The following CCND1 variants were observed in gnomAD, a reference collection of about 807,000 sequenced individuals.
CCND1 encodes the protein G1/S-specific cyclin-D1.
Under a neutral mutation model 26.1 loss-of-function variants are expected in CCND1, and 9 were observed. That is an observed-to-expected ratio of 0.35 (90% CI 0.21 to 0.60). The LOEUF (loss-of-function observed/expected upper bound fraction) is 0.60, where lower values mean the gene tolerates loss of function less well. Ranked by LOEUF, CCND1 falls within the 20% of genes least tolerant of loss-of-function variation. The probability of loss-of-function intolerance (pLI) is 0.79; values close to 1 mark genes in which losing one functional copy is unlikely to be tolerated. For synonymous variants in CCND1, 194 were observed against 166.1 expected (o/e 1.17, Z -1.29); for missense variants, 335 against 392.9 (o/e 0.85, Z 1.25).
In CCND1 at chr11:69,653,353, C is replaced by CAT. The variant is rs1855879746; in HGVS notation, c.*2075_*2076dup. On this transcript the variant is annotated 3_prime_UTR_variant, in exon 5 of 5. Coordinates refer to ENST00000227507, the MANE Select transcript of CCND1 (RefSeq NM_053056.3). ...GGATCAGTTTTTTGTTTTACAATGT[C>CAT]ATATACTGCCATGTACTAGTTTTAG... The CAT allele has an allele frequency of 1.4e-6, 1 of 701,546 alleles. No individual in the cohort carries two copies. The highest frequency in any genetic ancestry group is 2.6e-6 in the Non-Finnish European group (1 of 384,714). 43.5% of individuals were successfully genotyped at this position (701,546 alleles called of 1,614,324 possible). A position where few individuals can be genotyped will look rare whatever the true frequency, so the allele number is the denominator to read the frequency against.
In CCND1 at chr11:69,644,001, G is replaced by T. The variant is rs750369077; in HGVS notation, c.574+10G>T. ...GCCCTCTGTGCCACAGGTAGGGCAG[G>T]CCCGGCAGCCCCCGGCCTCCCCTTG... is the stretch of plus-strand genomic sequence containing the variant. On this transcript the variant is annotated intron_variant, in intron 3 of 4. Coordinates refer to ENST00000227507, the MANE Select transcript of CCND1 (RefSeq NM_053056.3). 6 of 1,612,834 alleles carry T rather than the reference G, an allele frequency of 3.7e-6. No individual in the cohort carries two copies. Among genetic ancestry groups the T allele is most frequent in the Non-Finnish European group, 5.1e-6 (6 of 1,179,882 alleles).
chr11:69,642,917 C>A, intron 1 of CCND1, 114 bp from the exon 2 acceptor site: 1 of 607,550 alleles, frequency 1.6e-6, no homozygotes, highest in Non-Finnish European at 2.5e-6. Context: ...CCAGCCCCGA[C>A]CCCTCGGCGC....
chr11:69,642,950 C>A, intron 1 of CCND1, 81 bp from the exon 2 acceptor site: 1 of 1,112,324 alleles, frequency 9.0e-7, no homozygotes, highest in Non-Finnish European at 1.2e-6. Context: ...GCGGCCCTGC[C>A]AAGCGCGATG....
chr11:69,645,555 C>A lies in CCND1; in HGVS notation c.574+1564C>A, dbSNP rs146303812. ...GTGGAGTCCACTCCAGGGTGGGTCC[C>A]GAGGGAGGGGCAGGAGACCAGGGGA... On this transcript the variant is annotated intron_variant, in intron 3 of 4. Coordinates refer to ENST00000227507, the MANE Select transcript of CCND1 (RefSeq NM_053056.3). Among the ~76,000 whole-genome samples, 407 of 152,214 alleles carry A rather than the reference C, an allele frequency of 2.7e-3. 2 individuals are homozygous for A. Among genetic ancestry groups the A allele is most frequent in the African/African-American group, 9.4e-3 (389 of 41,532 alleles).
In CCND1 at chr11:69,653,570, G is replaced by A. The variant is rs999303995; in HGVS notation, c.*2288G>A. The A allele has an allele frequency of 1.3e-5, 7 of 536,712 alleles. No individual in the cohort carries two copies. Among genetic ancestry groups the A allele is most frequent in the African/African-American group, 5.9e-5 (3 of 50,796 alleles). The allele number at this position is 536,712 out of a possible 1,614,324, so 33.2% of individuals were successfully genotyped here. On this transcript the variant is annotated 3_prime_UTR_variant, in exon 5 of 5. Transcript: ENST00000227507. ...TGCTTTGGCGGGCAGACACGCGGGC[G>A]CGATCCCACACAGGCTGGCGGGGGC...
chr11:69,652,304 A>T lies in CCND1; in HGVS notation c.*1022A>T, dbSNP rs1026710744. Reference sequence around the variant, plus strand: ...AACCATTCCATTTCCAAGCACTTTCAGTCCAATAGGTGTAGGAAATAGCGC... The same window carrying T: ...AACCATTCCATTTCCAAGCACTTTCTGTCCAATAGGTGTAGGAAATAGCGC... On this transcript the variant is annotated 3_prime_UTR_variant, in exon 5 of 5. Transcript: ENST00000227507. 8.6e-6 allele frequency: 2 copies of T among 233,608 alleles called. No homozygotes were observed. Among genetic ancestry groups the T allele is most frequent in the Middle Eastern group, 1.3e-3 (1 of 786 alleles). 14.5% of individuals were successfully genotyped at this position (233,608 alleles called of 1,614,324 possible).
rs2120079442 is a variant in CCND1, at chr11:69,641,302, A to G, written c.-12A>G. ...CACAGCCCTCCCCAGCTGCCCAGGA[A>G]GAGCCCCAGCCATGGAACACCAGCT... On this transcript the variant is annotated 5_prime_UTR_variant, in exon 1 of 5. Transcript: ENST00000227507. The G allele has an allele frequency of 6.2e-7, 1 of 1,609,158 alleles. No homozygotes were observed.
chr11:69,649,550 T>A (rs910631183), intron 4 of CCND1, among the ~76,000 whole-genome samples: 1 of 152,156 alleles, frequency 6.6e-6, no homozygotes, highest in African/African-American at 2.4e-5. Flanking sequence ...GTTCTAGAAT[T>A]TTCTTTGGTG....
At chr11:69,643,779 G>GCCCCC in intron 2 of CCND1, 53 bp from the exon 3 acceptor site, 1 of 1,550,748 alleles carries the variant, frequency 6.4e-7, no homozygotes, top group African/African-American at 1.4e-5. Context: ...GCTTCCCCGC[G>GCCCCC]CCCCCGGGCT....
At chr11:69,643,553 C>T (rs1291211956) in intron 2 of CCND1, among the ~76,000 whole-genome samples, 1 of 152,254 alleles carries the variant, frequency 6.6e-6, no homozygotes, top group Non-Finnish European at 1.5e-5. Context: ...GCTGAGCCTC[C>T]AGTTCCAGGT....
Position 69,653,018 on chromosome 11 carries a change from C to A in CCND1, c.*1736C>A. On this transcript the variant is annotated 3_prime_UTR_variant, in exon 5 of 5. Coordinates refer to ENST00000227507, the MANE Select transcript of CCND1 (RefSeq NM_053056.3). ...AGTTCGGTTCCGATGAATTCTTATC[C>A]CCTGCCCCTTCCTTTAAAAAACTTA... The A allele has an allele frequency of 2.1e-6, 1 of 472,994 alleles. No homozygotes were observed. Among genetic ancestry groups the A allele is most frequent in the South Asian group, 3.4e-5 (1 of 29,398 alleles). 29.3% of individuals were successfully genotyped at this position (472,994 alleles called of 1,614,324 possible).
chr11:69,642,120 G>C (rs1437604873), intron 1 of CCND1, among the ~76,000 whole-genome samples: 1 of 151,922 alleles, frequency 6.6e-6, no homozygotes, highest in Non-Finnish European at 1.5e-5. Context: ...GGCATGGGTA[G>C]TTTTGGGGGG....
At chr11:69,644,269 C>G in intron 3 of CCND1, 1 of 484,270 alleles carries the variant, frequency 2.1e-6, no homozygotes, top group Non-Finnish European at 3.8e-6. Context: ...TGGCCTCGTC[C>G]TTCAGGCCAG....
At position 69,653,565 on chromosome 11, in the gene CCND1, C is replaced by T. The variant is rs960291962; in HGVS notation, c.*2283C>T. On this transcript the variant is annotated 3_prime_UTR_variant, in exon 5 of 5. Coordinates refer to ENST00000227507, the MANE Select transcript of CCND1 (RefSeq NM_053056.3). The stretch of plus-strand genomic sequence containing the variant: ...CTGCCTGCTTTGGCGGGCAGACACG[C>T]GGGCGCGATCCCACACAGGCTGGCG... The T allele has an allele frequency of 1.1e-5, 6 of 536,298 alleles. No homozygotes were observed. Among genetic ancestry groups the T allele is most frequent in the Admixed American group, 3.7e-5 (1 of 26,854 alleles). 33.2% of individuals were successfully genotyped at this position (536,298 alleles called of 1,614,324 possible).
intron 4 of CCND1, 149 bp downstream of exon 4, chr11:69,648,291 T>C: frequency 1.3e-6 from 1 of 785,928 alleles, no homozygotes; most frequent in Admixed American, 2.8e-5. Context: ...GGCCACAGAC[T>C]GACAGGGCAC....
In CCND1 at chr11:69,641,246, G is replaced by C; in HGVS notation, c.-68G>C. 1 of 1,463,886 alleles carries C rather than the reference G, an allele frequency of 6.8e-7. No homozygotes were observed. The highest frequency in any genetic ancestry group is 1.4e-5 in the African/African-American group (1 of 72,334). The allele number at this position is 1,463,886 out of a possible 1,614,324, so 90.7% of individuals were successfully genotyped here. The stretch of plus-strand genomic sequence containing the variant: ...CGCGAGGGAGCGCGGGGCAGCAGAA[G>C]CGAGAGCCGAGCGCGGACCCAGCCA... On this transcript the variant is annotated 5_prime_UTR_variant, in exon 1 of 5. Coordinates refer to ENST00000227507, the MANE Select transcript of CCND1 (RefSeq NM_053056.3).
chr11:69,641,831 C>T (rs1029535137), intron 1 of CCND1, among the ~76,000 whole-genome samples: 73 of 152,112 alleles, frequency 4.8e-4, no homozygotes, highest in African/African-American at 1.7e-3. Flanking sequence ...CGCTTTGTGT[C>T]CCCCGCCTGC....
rs1416731727 is a variant in CCND1, at chr11:69,654,054, C to T, written c.*2772C>T. 1.5e-5 allele frequency: 9 copies of T among 604,838 alleles called. No individual in the cohort carries two copies. The highest frequency in any genetic ancestry group is 2.7e-5 in the Non-Finnish European group (9 of 338,822). 37.5% of individuals were successfully genotyped at this position (604,838 alleles called of 1,614,324 possible). Reference sequence around the variant, plus strand: ...AAGAATTTGCACCCCGCTGCGGGCCCACGTGGTTGGGGCCCTGCCCTGGCA... The same window carrying T: ...AAGAATTTGCACCCCGCTGCGGGCCTACGTGGTTGGGGCCCTGCCCTGGCA... On this transcript the variant is annotated 3_prime_UTR_variant, in exon 5 of 5. Coordinates refer to ENST00000227507, the MANE Select transcript of CCND1 (RefSeq NM_053056.3). The surrounding 1 kb of genome is among the most constrained non-coding windows in gnomAD (Gnocchi z 6.3).
At chr11:69,644,255 A>C in intron 3 of CCND1, 1 of 507,282 alleles carries the variant, frequency 2.0e-6, no homozygotes. Context: ...GTGTCCCGTT[A>C]CTCTGGCCTC....
Sources: allele counts gnomAD v4.1 joint callset (sites outside exome capture counted in the v4.1 genomes callset), GRCh38; gene constraint gnomAD v4.1.1; non-coding constraint Gnocchi (gnomAD v3.1); transcripts MANE v1.5; gene names NCBI Gene and HGNC (gene_info 2026-07-23, HGNC 2026-07-21).